The following ADGRB3 variants were observed in gnomAD, a reference collection of about 807,000 sequenced individuals.
ADGRB3 encodes adhesion G protein-coupled receptor B3.
Under a neutral mutation model 193.4 loss-of-function variants are expected in ADGRB3, and 37 were observed. The observed-to-expected ratio is 0.19, with a 90% CI of 0.15 to 0.25. The LOEUF (loss-of-function observed/expected upper bound fraction) is 0.25. ADGRB3 is among the 10% of genes least tolerant of loss of function. The pLI is 1.00. For missense variants in ADGRB3, 1,637 were observed against 1,852.9 expected, an observed-to-expected ratio of 0.88 and a Z score of 2.14; for synonymous variants, 690 against 644.2, an observed-to-expected ratio of 1.07 and a Z score of -1.08.
intron 5 of ADGRB3, among the ~76,000 whole-genome samples, chr6:68,942,415 T>A (rs558348133): frequency 2.6e-5 from 4 of 152,296 alleles, no homozygotes; most frequent in African/African-American, 2.4e-5. Flanking sequence ...ATCAAACATC[T>A]GGCCTTTTGA....
chr6:68,930,703 T>G (rs926809756), intron 4 of ADGRB3, 34 bp downstream of exon 4: 6 of 1,434,628 alleles, frequency 4.2e-6, no homozygotes, highest in Non-Finnish European at 5.8e-6. Context: ...TATTTATTGT[T>G]GTTAATTTAA....
intron 8 of ADGRB3, among the ~76,000 whole-genome samples, chr6:68,972,599 C>A (rs1768609249): frequency 6.6e-6 from 1 of 151,528 alleles, no homozygotes; most frequent in African/African-American, 2.4e-5. Flanking sequence ...TCATAGTCAC[C>A]TCTAACTCAT....
At chr6:69,117,117 T>TC (rs1773556572) in intron 17 of ADGRB3, among the ~76,000 whole-genome samples, 1 of 152,260 alleles carries the variant, frequency 6.6e-6, no homozygotes, top group African/African-American at 2.4e-5. Context: ...ACTGCCACAA[T>TC]CCATGTTGAT....
chr6:69,100,365 A>G (rs985842454), intron 17 of ADGRB3, among the ~76,000 whole-genome samples: 1 of 152,236 alleles, frequency 6.6e-6, no homozygotes, highest in Non-Finnish European at 1.5e-5. Context: ...ATAAAAATCA[A>G]AAAACATATG....
intron 3 of ADGRB3, among the ~76,000 whole-genome samples, chr6:68,806,973 G>A (rs906227277): frequency 1.3e-5 from 2 of 152,014 alleles, no homozygotes; most frequent in East Asian, 1.9e-4. Flanking sequence ...GCTTTGATAC[G>A]TATGGGCTGG....
intron 20 of ADGRB3, among the ~76,000 whole-genome samples, chr6:69,296,998 T>G (rs1356439945): frequency 6.6e-6 from 1 of 152,118 alleles, no homozygotes; most frequent in African/African-American, 2.4e-5. Flanking sequence ...AGGCTTATAT[T>G]TCAGTTTTGC....
chr6:68,806,205 A>G (rs1767399037), intron 3 of ADGRB3, among the ~76,000 whole-genome samples: 1 of 152,230 alleles, frequency 6.6e-6, no homozygotes, highest in Admixed American at 6.5e-5. Flanking sequence ...GATAAAAACA[A>G]TAACCTCTAA....
In ADGRB3 at chr6:68,836,086, G is replaced by A. The variant is rs940750835; in HGVS notation, c.758-94473G>A. Among the ~76,000 whole-genome samples the A allele has an allele frequency of 2.6e-5, 4 of 152,038 alleles. No homozygotes were observed. In the South Asian group the frequency reaches 8.3e-4, roughly 32 times the overall value. On this transcript the variant is annotated intron_variant, in intron 3 of 31. Coordinates refer to ENST00000370598, the MANE Select transcript of ADGRB3 (RefSeq NM_001704.3). ...TTGCACTTCTTTTCTCTAGTATATC[G>A]AAAACACAGCTGCTGAGTTGACTTT... is the stretch of plus-strand genomic sequence containing the variant.
chr6:68,773,354 A>G (rs1766676591), intron 3 of ADGRB3, among the ~76,000 whole-genome samples: 1 of 152,046 alleles, frequency 6.6e-6, no homozygotes, highest in East Asian at 1.9e-4. Context: ...ATGTGCGCAA[A>G]ATTTATACAG....
chr6:68,828,808 G>T (rs115383484), intron 3 of ADGRB3, among the ~76,000 whole-genome samples: 4 of 152,188 alleles, frequency 2.6e-5, no homozygotes, highest in South Asian at 2.1e-4. Context: ...TATCAAAAGG[G>T]TTTTAAATCA....
At chr6:68,965,700 T>G (rs2150260679) in intron 8 of ADGRB3, among the ~76,000 whole-genome samples, 1 of 152,270 alleles carries the variant, frequency 6.6e-6, no homozygotes. Flanking sequence ...AGTTGTATCT[T>G]ACAAATGGAT....
intron 3 of ADGRB3, among the ~76,000 whole-genome samples, chr6:68,695,593 T>G (rs934957602): frequency 2.6e-5 from 4 of 152,128 alleles, no homozygotes; most frequent in Non-Finnish European, 4.4e-5. Flanking sequence ...CCCTGGATTG[T>G]GTGACATTTC....
chr6:68,774,945 G>T (rs755513443), intron 3 of ADGRB3, among the ~76,000 whole-genome samples: 32 of 151,978 alleles, frequency 2.1e-4, no homozygotes, highest in Non-Finnish European at 4.3e-4. Context: ...CAAGGTTTTG[G>T]AAGGAGGAGT....
intron 10 of ADGRB3, among the ~76,000 whole-genome samples, chr6:68,981,811 T>C (rs1002507546): frequency 6.6e-6 from 1 of 151,428 alleles, no homozygotes; most frequent in East Asian, 1.9e-4. Context: ...ACAACACTTT[T>C]GGGGTTCTCC....
chr6:68,935,701 T>C (rs2150248015), intron 4 of ADGRB3, among the ~76,000 whole-genome samples: 1 of 152,248 alleles, frequency 6.6e-6, no homozygotes, highest in Non-Finnish European at 1.5e-5. Flanking sequence ...GTCATAGAAA[T>C]GTTTGACTTT....
chr6:68,936,607 A>T lies in ADGRB3; in HGVS notation c.957A>T (p.Val319=). 1 of 1,614,026 alleles carries T rather than the reference A, an allele frequency of 6.2e-7. No individual in the cohort carries two copies. Among genetic ancestry groups the T allele is most frequent in the Non-Finnish European group, 8.5e-7 (1 of 1,179,994 alleles). The change falls in exon 5 of 32, where the codon GTA becomes GTT. Residue 319 remains valine, a synonymous_variant. Coordinates refer to ENST00000370598, the MANE Select transcript of ADGRB3 (RefSeq NM_001704.3). The stretch of plus-strand genomic sequence containing the variant: ...CGCAGGTGCGAACCAGAACTTGTGT[A>T]TCACCTTACGGGACACACTGCAGCG... ...QGSQVRTRTC[V]SPYGTHCSGP...
At chr6:68,914,453 C>T (rs368797225) in intron 3 of ADGRB3, among the ~76,000 whole-genome samples, 9 of 151,414 alleles carry the variant, frequency 5.9e-5, no homozygotes, top group Admixed American at 3.9e-4. Flanking sequence ...AAGCTTCGTA[C>T]GTGAAGGAGA....
intron 17 of ADGRB3, among the ~76,000 whole-genome samples, chr6:69,107,943 C>T (rs62406777): frequency 0.2 from 30,060 of 151,582 alleles, 3,269 homozygotes; most frequent in Middle Eastern, 0.33. Context: ...CTGAGGACTG[C>T]GCTCAGTACC....
chr6:69,140,146 G>A (rs771252460), intron 17 of ADGRB3, among the ~76,000 whole-genome samples: 1 of 152,090 alleles, frequency 6.6e-6, no homozygotes, highest in Non-Finnish European at 1.5e-5. Flanking sequence ...AAAATTCTAA[G>A]ATTAATAGCA....
Sources: allele counts gnomAD v4.1 joint callset (sites outside exome capture counted in the v4.1 genomes callset), GRCh38; gene constraint gnomAD v4.1.1; transcripts MANE v1.5; gene names NCBI Gene and HGNC (gene_info 2026-07-23, HGNC 2026-07-21).